The following HELLS variants were observed in gnomAD, a reference collection of about 807,000 sequenced individuals.
The protein encoded by HELLS is lymphoid-specific helicase.
HELLS carries 32 observed loss-of-function variants against 120.0 expected under a neutral mutation model. The ratio of observed to expected loss-of-function variants is 0.27; its 90% CI spans 0.20 to 0.36. The LOEUF is 0.36. Ranked by LOEUF, HELLS falls within the 10% of genes least tolerant of loss-of-function variation. The pLI is 1.00. For missense variants in HELLS, 650 were observed against 993.4 expected, an observed-to-expected ratio of 0.65 and a Z score of 4.65; for synonymous variants, 341 against 323.4, an observed-to-expected ratio of 1.05 and a Z score of -0.58.
intron 2 of HELLS, among the ~76,000 whole-genome samples, chr10:94,549,687 A>T (rs1232101622): frequency 6.6e-6 from 1 of 152,170 alleles, no homozygotes; most frequent in Non-Finnish European, 1.5e-5. Context: ...CATACTCTGT[A>T]CTGTAGTTAC....
intron 10 of HELLS, among the ~76,000 whole-genome samples, chr10:94,579,735 G>A (rs1378795090): frequency 1.3e-5 from 2 of 151,822 alleles, no homozygotes; most frequent in African/African-American, 4.8e-5. Context: ...TAGGAACAGG[G>A]TGTCTCAAGC....
chr10:94,609,347 A>G (rs149695741), intron 9 of HELLS, among the ~76,000 whole-genome samples: 2 of 152,196 alleles, frequency 1.3e-5, no homozygotes, highest in African/African-American at 2.4e-5. Context: ...TACCATCCAC[A>G]TTAGCATTTC....
intron 21 of HELLS, among the ~76,000 whole-genome samples, chr10:94,599,252 T>G (rs1359795684): frequency 6.6e-6 from 1 of 152,244 alleles, no homozygotes. Flanking sequence ...AAGGACTGTT[T>G]AACATCTGAT....
intron 6 of HELLS, among the ~76,000 whole-genome samples, chr10:94,568,869 T>G (rs1183029306): frequency 1.3e-5 from 2 of 152,016 alleles, no homozygotes; most frequent in South Asian, 2.1e-4. Context: ...GAGATAGAGT[T>G]TCACTCTTGT....
intron 2 of HELLS, among the ~76,000 whole-genome samples, chr10:94,549,847 A>G (rs1235678774): frequency 6.6e-6 from 1 of 152,218 alleles, no homozygotes; most frequent in African/African-American, 2.4e-5. Context: ...AACCACTTAC[A>G]TGGTATTATT....
At position 94,574,073 on chromosome 10, in the gene HELLS, C is replaced by CT; in HGVS notation, c.597dup (p.Asp200Ter). ...AAACGGTTAGGCAGAATACTAAATTCTTTTTTGACCCAGTCCGGAAGTGTA... is the reference window on the plus strand; with the variant it reads ...AAACGGTTAGGCAGAATACTAAATTCTTTTTTTGACCCAGTCCGGAAGTGTA... On this transcript the variant is annotated frameshift_variant, in exon 8 of 22. Transcript: ENST00000348459. LOFTEE classifies it high-confidence loss of function. 1 of 1,613,564 alleles carries CT rather than the reference C, an allele frequency of 6.2e-7. No homozygotes were observed. Among genetic ancestry groups the CT allele is most frequent in the Non-Finnish European group, 8.5e-7 (1 of 1,179,576 alleles).
Position 94,571,252 on chromosome 10 carries a change from T to C in HELLS, c.436-136T>C, listed in dbSNP as rs561527246. 635 of 671,610 alleles carry C rather than the reference T, an allele frequency of 9.5e-4. 12 individuals are homozygous for C. In the South Asian group the frequency reaches 0.01, roughly 11 times the overall value. 41.6% of individuals were successfully genotyped at this position (671,610 alleles called of 1,614,324 possible). ...TAATGTCTATAGGCTTATTTCTGCC[T>C]GAAGGCTACTAGTTTTATCTTGAGA... is the stretch of plus-strand genomic sequence containing the variant. On this transcript the variant is annotated intron_variant, in intron 6 of 21. Coordinates refer to ENST00000348459, the MANE Select transcript of HELLS (RefSeq NM_018063.5).
chr10:94,554,150 T>A lies in HELLS; in HGVS notation c.178T>A (p.Ser60Thr). The A allele has an allele frequency of 6.3e-7, 1 of 1,580,640 alleles. No homozygotes were observed. Among genetic ancestry groups the A allele is most frequent in the East Asian group, 2.3e-5 (1 of 42,902 alleles). ...GGCTCGCATGTCTTGGGATAGAGAGTCGACAGAAATTCGGTACCGTAGACT... is the reference window on the plus strand; with the variant it reads ...GGCTCGCATGTCTTGGGATAGAGAGACGACAGAAATTCGGTACCGTAGACT... ...EKARMSWDRE[S>T]TEIRYRRLQH... Residue 60 changes from serine (S) to threonine (T), a missense_variant, in exon 3 of 22, where the codon TCG becomes ACG. Physicochemically the swap from Ser to Thr is moderately conservative, Grantham distance 58. Transcript: ENST00000348459.
At chr10:94,610,169 T>C (rs75252830) in exon 10 of HELLS, 83 of 152,302 alleles carry the variant, frequency 5.4e-4, no homozygotes, top group African/African-American at 1.9e-3. Flanking sequence ...TGCCTCATAA[T>C]TTCCATGAGA....
rs1160554728 is a variant in HELLS at position 94,545,810 on chromosome 10, C to G, written c.-112C>G. The stretch of plus-strand genomic sequence containing the variant: ...CGCGAAGGAGAAGCGCGCTTTTTTC[C>G]CTGGCGGGGGATTTGGCTAGAAGGC... On this transcript the variant is annotated 5_prime_UTR_variant, in exon 1 of 22. Transcript: ENST00000348459. The G allele has an allele frequency of 7.8e-7, 1 of 1,274,178 alleles. No individual in the cohort carries two copies. The highest frequency in any genetic ancestry group is 1.1e-6 in the Non-Finnish European group (1 of 894,342). The allele number at this position is 1,274,178 out of a possible 1,614,324, so 78.9% of individuals were successfully genotyped here. A position where few individuals can be genotyped will look rare whatever the true frequency, so the allele number is the denominator to read the frequency against.
intron 10 of HELLS, among the ~76,000 whole-genome samples, chr10:94,580,182 CACA>C (rs1325824295): frequency 9.5e-6 from 1 of 105,202 alleles, no homozygotes; most frequent in Non-Finnish European, 1.9e-5. Flanking sequence ...CACACACACA[CACA>C]TTTTTTTTTT....
Position 94,580,579 on chromosome 10 carries a change from T to C in HELLS, c.1033-747T>C, listed in dbSNP as rs146369842. On this transcript the variant is annotated intron_variant, in intron 10 of 21. Coordinates refer to ENST00000348459, the MANE Select transcript of HELLS (RefSeq NM_018063.5). The stretch of plus-strand genomic sequence containing the variant: ...TTTAACATATTGCCAGGAAAATAAA[T>C]CCTTTCTTGGTTATTTTAATAAAGA... Among the ~76,000 whole-genome samples the C allele has an allele frequency of 8.9e-4, 135 of 152,286 alleles. 1 individual carries two copies. In the East Asian group the frequency reaches 0.025, roughly 28 times the overall value.
intron 6 of HELLS, among the ~76,000 whole-genome samples, chr10:94,565,753 T>G (rs546702861): frequency 2.5e-4 from 38 of 152,346 alleles, no homozygotes; most frequent in Middle Eastern, 6.8e-3. Context: ...AGCTGTTTAT[T>G]TAATTTGTTA....
intron 12 of HELLS, among the ~76,000 whole-genome samples, chr10:94,585,071 A>G (rs1409262455): frequency 6.6e-6 from 1 of 151,880 alleles, no homozygotes; most frequent in Non-Finnish European, 1.5e-5. Flanking sequence ...TCCTTTTTTT[A>G]TGCAATGTTT....
chr10:94,596,998 A>G, intron 20 of HELLS, 37 bp from the exon 21 acceptor site: 1 of 1,471,214 alleles, frequency 6.8e-7, no homozygotes, highest in Non-Finnish European at 9.5e-7. Flanking sequence ...GTAGCTTTGA[A>G]TTATTCACAT....
chr10:94,566,843 G>A (rs1046373049), intron 6 of HELLS, among the ~76,000 whole-genome samples: 1 of 151,604 alleles, frequency 6.6e-6, no homozygotes, highest in Non-Finnish European at 1.5e-5. Context: ...TTCATAGAGA[G>A]GTGGTTTCAC....
At chr10:94,596,301 G>T (rs1377790075) in intron 19 of HELLS, among the ~76,000 whole-genome samples, 2 of 152,080 alleles carry the variant, frequency 1.3e-5, no homozygotes, top group African/African-American at 4.8e-5. Flanking sequence ...CGAGATCAAG[G>T]TAGCATTTTC....
chr10:94,582,269 C>A (rs1436390069), intron 11 of HELLS, among the ~76,000 whole-genome samples: 1 of 152,066 alleles, frequency 6.6e-6, no homozygotes, highest in African/African-American at 2.4e-5. Flanking sequence ...TGACTCTGGG[C>A]GCTTTTATTG....
rs568842600 is a variant in HELLS, at chr10:94,599,958, A to G, written c.2423-1570A>G. 3.9e-5 allele frequency among the ~76,000 whole-genome samples: 6 copies of G among 152,288 alleles called. No individual in the cohort carries two copies. In the East Asian group the frequency reaches 9.6e-4, roughly 24 times the overall value. On this transcript the variant is annotated intron_variant, in intron 21 of 21. Coordinates refer to ENST00000348459, the MANE Select transcript of HELLS (RefSeq NM_018063.5). Reference sequence around the variant, plus strand: ...ACAAAGTGTAAGTCAGTGGTCCCCAAAACTAACTTATATTCTTGAATTTTT... The same window carrying G: ...ACAAAGTGTAAGTCAGTGGTCCCCAGAACTAACTTATATTCTTGAATTTTT...
Sources: allele counts gnomAD v4.1 joint callset (sites outside exome capture counted in the v4.1 genomes callset), GRCh38; gene constraint gnomAD v4.1.1; transcripts MANE v1.5; gene names NCBI Gene and HGNC (gene_info 2026-07-23, HGNC 2026-07-21).